Variants in AGO3 observed in about 807,000 individuals in gnomAD.
AGO3 encodes protein argonaute-3.
In AGO3, 16 loss-of-function variants were observed where a neutral mutation model predicts 105.5. The observed-to-expected ratio is 0.15, with a 90% CI of 0.10 to 0.23. The LOEUF (loss-of-function observed/expected upper bound fraction) is 0.23, where lower values mean the gene tolerates loss of function less well. Among genes scored for constraint, AGO3 ranks in the 10% least tolerant of loss-of-function variants. AGO3 has a pLI of 1.00. For missense variants in AGO3, 534 were observed against 1,088.0 expected, an observed-to-expected ratio of 0.49 and a Z score of 7.16; for synonymous variants, 340 against 367.3, an observed-to-expected ratio of 0.93 and a Z score of 0.85.
Position 36,016,081 on chromosome 1 carries a change from T to C in AGO3, c.1406+2033T>C, listed in dbSNP as rs561815617. ...TGGTTACAGCTTGGCATTTGCCTTA[T>C]TTGAAGATGATTTGAACAGTTAGCT... On this transcript the variant is annotated intron_variant, in intron 11 of 18. Coordinates refer to ENST00000373191, the MANE Select transcript of AGO3 (RefSeq NM_024852.4). Among the ~76,000 whole-genome samples, 5 of 152,328 alleles carry C rather than the reference T, an allele frequency of 3.3e-5. No homozygotes were observed. In the South Asian group the frequency reaches 1.0e-3, roughly 32 times the overall value.
In AGO3 at chr1:35,968,406, GA is replaced by G. The variant is rs1646811066; in HGVS notation, c.312+1334del. 2.0e-5 allele frequency among the ~76,000 whole-genome samples: 3 copies of G among 152,136 alleles called. No homozygotes were observed. In the East Asian group the frequency reaches 5.8e-4, roughly 29 times the overall value. ...AGAATTGTCTTTATCTTTCAAAACT[GA>G]AACTCCATATCCATTAAACAGTATC... is the stretch of plus-strand genomic sequence containing the variant. On this transcript the variant is annotated intron_variant, in intron 3 of 18. Transcript: ENST00000373191.
chr1:36,048,976 GGATTAC>G (rs1642587977), intron 17 of AGO3, among the ~76,000 whole-genome samples: 1 of 152,156 alleles, frequency 6.6e-6, no homozygotes, highest in African/African-American at 2.4e-5. Flanking sequence ...CAAAGTGCTG[GGATTAC>G]TGGCGTGAGC....
intron 5 of AGO3, among the ~76,000 whole-genome samples, chr1:35,991,197 G>A (rs1569650388): frequency 6.6e-6 from 1 of 152,062 alleles, no homozygotes; most frequent in Non-Finnish European, 1.5e-5. Context: ...CCAGCTACTC[G>A]GGAGGCTGAG....
chr1:35,946,507 A>G (rs1646367649), intron 2 of AGO3, among the ~76,000 whole-genome samples: 1 of 152,230 alleles, frequency 6.6e-6, no homozygotes, highest in African/African-American at 2.4e-5. Context: ...AAAAACAAAG[A>G]CAACACATTT....
chr1:35,931,397 TC>T lies in AGO3; in HGVS notation c.-27del. 7.0e-7 allele frequency: 1 copy of T among 1,426,594 alleles called. No individual in the cohort carries two copies. The highest frequency in any genetic ancestry group is 1.5e-5 in the South Asian group (1 of 64,818). 88.4% of individuals were successfully genotyped at this position (1,426,594 alleles called of 1,614,324 possible). On this transcript the variant is annotated 5_prime_UTR_variant, in exon 1 of 19. Transcript: ENST00000373191. Reference sequence around the variant, plus strand: ...TTGCCGCCAGTGGCGGGCTCCGTTCTCCCTCGAAGCACTCCCCCCAGCTCCA... The same window carrying T: ...TTGCCGCCAGTGGCGGGCTCCGTTCTCCTCGAAGCACTCCCCCCAGCTCCA...
chr1:35,979,751 A>C (rs146931707), intron 5 of AGO3, among the ~76,000 whole-genome samples: 10 of 152,108 alleles, frequency 6.6e-5, no homozygotes, highest in Non-Finnish European at 7.4e-5. Flanking sequence ...TTTTTGACCA[A>C]AATTCTACAT....
intron 17 of AGO3, among the ~76,000 whole-genome samples, chr1:36,046,526 T>C (rs1401577749): frequency 7.2e-6 from 1 of 139,806 alleles, no homozygotes; most frequent in East Asian, 2.2e-4. Context: ...ACCCTGTCTC[T>C]ACTAAAACTA....
In AGO3 at chr1:36,040,316, T is replaced by A; in HGVS notation, c.2047T>A (p.Tyr683Asn). 1.2e-6 allele frequency: 2 copies of A among 1,613,270 alleles called. No individual in the cohort carries two copies. The highest frequency in any genetic ancestry group is 1.7e-6 in the Non-Finnish European group (2 of 1,179,358). ...ATTTCATATTCTCTAGGTATTATAT[T>A]ATGAACTACTAGCAATTCGAGAAGC... ...SEGQFRQVLY[Y>N]ELLAIREACI... Residue 683 changes from tyrosine (Y) to asparagine (N), a missense_variant, in exon 16 of 19, where the codon TAT (tyrosine) becomes AAT (asparagine). Physicochemically the swap from Tyr to Asn is moderately radical, Grantham distance 143 (BLOSUM62 -2). Transcript: ENST00000373191.
intron 2 of AGO3, among the ~76,000 whole-genome samples, chr1:35,964,859 G>A (rs953623501): frequency 6.6e-6 from 1 of 151,900 alleles, no homozygotes; most frequent in Non-Finnish European, 1.5e-5. Flanking sequence ...GTTTTGATTC[G>A]TATTTCTCTA....
In AGO3 at chr1:36,072,109, AT is replaced by A. The variant is rs775134329; in HGVS notation, c.*16365del. On this transcript the variant is annotated 3_prime_UTR_variant, in exon 19 of 19. Coordinates refer to ENST00000373191, the MANE Select transcript of AGO3 (RefSeq NM_024852.4). ...AGTTAAACTATCTTCCCCACAAAAAATATTATACTTCAGTTAAACTATCTTC... is the reference window on the plus strand; with the variant it reads ...AGTTAAACTATCTTCCCCACAAAAAAATTATACTTCAGTTAAACTATCTTC... 2.0e-5 allele frequency: 3 copies of A among 152,220 alleles called. No individual in the cohort carries two copies. Among genetic ancestry groups the A allele is most frequent in the Non-Finnish European group, 4.4e-5 (3 of 68,044 alleles). 9.4% of individuals were successfully genotyped at this position (152,220 alleles called of 1,614,324 possible). A position where few individuals can be genotyped will look rare whatever the true frequency, so the allele number is the denominator to read the frequency against.
At chr1:36,029,995 T>C (rs1641694903) in intron 12 of AGO3, among the ~76,000 whole-genome samples, 1 of 151,526 alleles carries the variant, frequency 6.6e-6, no homozygotes, top group Non-Finnish European at 1.5e-5. Flanking sequence ...GCCTGGCCCC[T>C]AAATTTCCTA....
chr1:36,001,380 A>G (rs912173543), intron 5 of AGO3, among the ~76,000 whole-genome samples: 1 of 152,190 alleles, frequency 6.6e-6, no homozygotes, highest in African/African-American at 2.4e-5. Flanking sequence ...GTAAAAAACA[A>G]CCCATAACTC....
At chr1:36,047,566 A>G (rs1020072823) in intron 17 of AGO3, among the ~76,000 whole-genome samples, 10 of 152,132 alleles carry the variant, frequency 6.6e-5, no homozygotes, top group Non-Finnish European at 1.2e-4. Flanking sequence ...AGAAAGGGAA[A>G]GGTGTAGAAA....
chr1:35,989,322 A>G (rs558185219), intron 5 of AGO3, among the ~76,000 whole-genome samples: 21 of 152,278 alleles, frequency 1.4e-4, no homozygotes, highest in African/African-American at 4.6e-4. Context: ...GTGTAATTAA[A>G]CTTGCTGTAT....
At chr1:36,031,481 AT>A (rs35021187) in intron 12 of AGO3, among the ~76,000 whole-genome samples, 2,323 of 149,310 alleles carry the variant, frequency 0.016, 51 homozygotes, top group African/African-American at 0.053. Context: ...TTTCTCCTTC[AT>A]TTTTTTTTTT....
At chr1:36,022,702 C>A (rs1016519057) in intron 11 of AGO3, among the ~76,000 whole-genome samples, 28 of 151,818 alleles carry the variant, frequency 1.8e-4, no homozygotes, top group African/African-American at 6.8e-4. Context: ...GAGGCCGAGG[C>A]GGGTGGATTA....
At chr1:36,043,726 T>C (rs990701384) in intron 17 of AGO3, among the ~76,000 whole-genome samples, 178 bp downstream of exon 17, 7 of 152,198 alleles carry the variant, frequency 4.6e-5, no homozygotes, top group Non-Finnish European at 7.3e-5. Flanking sequence ...TGAGAGGGGC[T>C]TAGGAACTTA....
At chr1:36,034,850 C>T (rs1641934888) in intron 13 of AGO3, among the ~76,000 whole-genome samples, 1 of 152,192 alleles carries the variant, frequency 6.6e-6, no homozygotes, top group Non-Finnish European at 1.5e-5. Flanking sequence ...CCATATCAGC[C>T]TTCCTGCTAT....
rs565752708 is a variant in AGO3, at chr1:35,947,272, A to G, written c.191+1409A>G. On this transcript the variant is annotated intron_variant, in intron 2 of 18. Transcript: ENST00000373191. ...GTGGTTTTTTTTTTAACATGTTATC[A>G]GATACTGCTTTAAGATACTATCTGT... is the stretch of plus-strand genomic sequence containing the variant. Among the ~76,000 whole-genome samples, 6 of 152,080 alleles carry G rather than the reference A, an allele frequency of 3.9e-5. No individual in the cohort carries two copies. In the East Asian group the frequency reaches 9.7e-4, roughly 25 times the overall value.
Sources: gnomAD v4.1 joint callset for allele counts (sites outside exome capture counted in the v4.1 genomes callset) on GRCh38, gnomAD v4.1.1 for gene constraint, MANE v1.5 for transcripts, NCBI Gene and HGNC (gene_info 2026-07-23, HGNC 2026-07-21) for gene names.